Variants in DDHD2 observed in about 807,000 individuals in gnomAD.
DDHD2 encodes the protein DDHD domain containing 2.
Under a neutral mutation model 91.2 loss-of-function variants are expected in DDHD2, and 62 were observed. That is an observed-to-expected ratio of 0.68 (90% confidence interval 0.55 to 0.84). DDHD2 has a LOEUF of 0.84. DDHD2 is among the 40% of genes least tolerant of loss of function. The probability of loss-of-function intolerance (pLI) is 0.00; values close to 1 mark genes in which losing one functional copy is unlikely to be tolerated. For missense variants in DDHD2, 740 were observed against 846.9 expected, an observed-to-expected ratio of 0.87 and a Z score of 1.57; for synonymous variants, 271 against 293.9, an observed-to-expected ratio of 0.92 and a Z score of 0.80.
At chr8:38,257,648 A>T (rs904977095) in intron 16 of DDHD2, among the ~76,000 whole-genome samples, 2 of 150,530 alleles carry the variant, frequency 1.3e-5, no homozygotes, top group African/African-American at 4.9e-5. Flanking sequence ...TTCCAAAAAA[A>T]TTCTTACCAC....
intron 7 of DDHD2, among the ~76,000 whole-genome samples, chr8:38,245,033 T>C (rs1805518469): frequency 6.6e-6 from 1 of 150,994 alleles, no homozygotes; most frequent in Non-Finnish European, 1.5e-5. Flanking sequence ...TATATAATTA[T>C]ATACATTAAT....
intron 3 of DDHD2, 36 bp from the exon 4 acceptor site, chr8:38,237,502 A>G (rs373086187): frequency 1.3e-5 from 14 of 1,040,710 alleles, no homozygotes; most frequent in Non-Finnish European, 1.9e-5. Flanking sequence ...TAGGAAAGCT[A>G]CTAGAGAACT....
chr8:38,268,096 C>T (rs1807964725), intron 1 of DDHD2: 1 of 1,486,648 alleles, frequency 6.7e-7, no homozygotes, highest in African/African-American at 1.4e-5. Flanking sequence ...TAATTAGGGT[C>T]CTCAGTGATC....
At position 38,234,458 on chromosome 8, in the gene DDHD2, G is replaced by C. The variant is rs1393395071; in HGVS notation, c.285G>C (p.Glu95Asp). 1 of 1,612,384 alleles carries C rather than the reference G, an allele frequency of 6.2e-7. No homozygotes were observed. Among genetic ancestry groups the C allele is most frequent in the Non-Finnish European group, 8.5e-7 (1 of 1,179,768 alleles). The stretch of plus-strand genomic sequence containing the variant: ...GCAGATATGATGTTCATTTGGGGGA[G>C]AGGATGCGGTATGCTGTATACTGGG... The part of the protein sequence containing the change: ...DGGRYDVHLG[E>D]RMRYAVYWDE... Residue 95 changes from glutamate (E) to aspartate (D), a missense_variant, in exon 3 of 18, where the codon GAG becomes GAC. By Grantham distance (45) the Glu-to-Asp change is conservative (BLOSUM62 2). Coordinates refer to ENST00000397166, the MANE Select transcript of DDHD2 (RefSeq NM_015214.3).
chr8:38,232,781 C>T (rs555967337), intron 1 of DDHD2, among the ~76,000 whole-genome samples: 1 of 152,284 alleles, frequency 6.6e-6, no homozygotes, highest in South Asian at 2.1e-4. Flanking sequence ...GAACTCTGTG[C>T]AATGGTTGAT....
chr8:38,242,245 TC>T lies in DDHD2; in HGVS notation c.713-3del. On this transcript the variant is annotated splice_region_variant and splice_polypyrimidine_tract_variant and intron_variant, in intron 6 of 17. Coordinates refer to ENST00000397166, the MANE Select transcript of DDHD2 (RefSeq NM_015214.3). ...GTTGATGCATAAGTTAATTTTCTTT[TC>T]CAGTTAATGATTTTCGCAGTGTTTC... The T allele has an allele frequency of 6.3e-7, 1 of 1,579,386 alleles. No homozygotes were observed. Among genetic ancestry groups the T allele is most frequent in the South Asian group, 1.2e-5 (1 of 84,848 alleles).
exon 2 of DDHD2, chr8:38,271,139 G>A (rs1808460320): frequency 6.6e-6 from 1 of 152,188 alleles, no homozygotes; most frequent in South Asian, 2.1e-4. Context: ...TTCCTCAAAT[G>A]TGTTCAATCA....
At chr8:38,232,926 T>C in intron 1 of DDHD2, 61 bp from the exon 2 acceptor site, 1 of 1,117,000 alleles carries the variant, frequency 9.0e-7, no homozygotes. Context: ...TTTGTGCGTG[T>C]GTGTGTGCGA....
intron 3 of DDHD2, among the ~76,000 whole-genome samples, chr8:38,235,375 T>C (rs185456900): frequency 6.6e-6 from 1 of 152,098 alleles, no homozygotes; most frequent in African/African-American, 2.4e-5. Context: ...GCTTGGCCTT[T>C]TTCAGATTTT....
chr8:38,252,874 A>G lies in DDHD2; in HGVS notation c.1720+50A>G, dbSNP rs565262208. Reference sequence around the variant, plus strand: ...AATTCTAGACCTTTTGGCCAGTGCAAAGGGCATCATTCACTCTGTTCAGCT... The same window carrying G: ...AATTCTAGACCTTTTGGCCAGTGCAGAGGGCATCATTCACTCTGTTCAGCT... On this transcript the variant is annotated intron_variant, in intron 14 of 17. Transcript: ENST00000397166. 8.1e-5 allele frequency: 130 copies of G among 1,607,558 alleles called. 2 individuals are homozygous for G. In the South Asian group the frequency reaches 1.3e-3, roughly 16 times the overall value.
rs767069191 is a variant in DDHD2, at chr8:38,242,407, C to T, written c.848+22C>T. Reference sequence around the variant, plus strand: ...ATGTGTGAGTAATACTTAATACCTTCGAGTTGTTAGCTGTGATTATATTTT... The same window carrying T: ...ATGTGTGAGTAATACTTAATACCTTTGAGTTGTTAGCTGTGATTATATTTT... On this transcript the variant is annotated intron_variant, in intron 7 of 17. Transcript: ENST00000397166. The T allele has an allele frequency of 4.4e-6, 7 of 1,603,558 alleles. No homozygotes were observed. The Admixed American group carries it at 5.2e-5, about 12-fold the overall frequency.
At chr8:38,267,001 T>G, downstream of DDHD2, 1 of 1,341,332 alleles carries the variant, frequency 7.5e-7, no homozygotes, top group Non-Finnish European at 9.6e-7. Context: ...GGTATTTTTA[T>G]TGCTAGTACA....
chr8:38,259,369 T>C (rs1806788361), intron 16 of DDHD2, among the ~76,000 whole-genome samples: 1 of 151,644 alleles, frequency 6.6e-6, no homozygotes, highest in Non-Finnish European at 1.5e-5. Flanking sequence ...TACAGTCGCA[T>C]GCTGCCACGC....
chr8:38,236,008 G>A (rs1198332652), intron 3 of DDHD2, among the ~76,000 whole-genome samples: 2 of 152,076 alleles, frequency 1.3e-5, no homozygotes, highest in Non-Finnish European at 2.9e-5. Context: ...GGAGTAGAGC[G>A]TTAGTATTTT....
At chr8:38,271,450 C>T (rs1325662731), downstream of DDHD2, 1 of 151,962 alleles carries the variant, frequency 6.6e-6, no homozygotes, top group Non-Finnish European at 1.5e-5. Context: ...CTCCTGGTAC[C>T]CCACCCCAGG....
At chr8:38,236,104 C>T (rs1585699697) in intron 3 of DDHD2, among the ~76,000 whole-genome samples, 1 of 152,214 alleles carries the variant, frequency 6.6e-6, no homozygotes, top group East Asian at 1.9e-4. Flanking sequence ...GCTCTGCCTC[C>T]TGGGTTCTTG....
chr8:38,232,924 T>C (rs1482413070), intron 1 of DDHD2, 63 bp from the exon 2 acceptor site: 1 of 1,077,486 alleles, frequency 9.3e-7, no homozygotes, highest in Non-Finnish European at 1.4e-6. Flanking sequence ...GTTTTGTGCG[T>C]GTGTGTGTGC....
downstream of DDHD2, chr8:38,267,417 C>T (rs1449831912): frequency 6.2e-7 from 1 of 1,605,688 alleles, no homozygotes; most frequent in East Asian, 2.2e-5. Context: ...ATGGTTGGAA[C>T]GTAAATCATT....
At chr8:38,269,039 G>C in intron 1 of DDHD2, 5 of 1,530,418 alleles carry the variant, frequency 3.3e-6, no homozygotes, top group South Asian at 1.2e-5. Flanking sequence ...CTTCCTCCCC[G>C]CTTCCCCACT....
Sources: gnomAD v4.1 joint callset for allele counts (sites outside exome capture counted in the v4.1 genomes callset) on GRCh38, gnomAD v4.1.1 for gene constraint, MANE v1.5 for transcripts, NCBI Gene and HGNC (gene_info 2026-07-23, HGNC 2026-07-21) for gene names.